PLXDC2: variants seen among roughly 807,000 people sequenced by gnomAD.
PLXDC2 encodes plexin domain-containing protein 2.
A neutral mutation model predicts 68.9 loss-of-function variants in PLXDC2; 40 were observed. The ratio of observed to expected loss-of-function variants is 0.58; its 90% CI spans 0.45 to 0.76. The LOEUF is 0.76. Among genes scored for constraint, PLXDC2 ranks in the 30% least tolerant of loss-of-function variants. PLXDC2 has a pLI of 0.00. For missense variants in PLXDC2, 644 were observed against 661.9 expected, an observed-to-expected ratio of 0.97 and a Z score of 0.30; for synonymous variants, 243 against 234.2, an observed-to-expected ratio of 1.04 and a Z score of -0.34.
chr10:20,156,890 A>G (rs372236329), intron 6 of PLXDC2, among the ~76,000 whole-genome samples: 170 of 152,324 alleles, frequency 1.1e-3, no homozygotes, highest in African/African-American at 3.9e-3. Flanking sequence ...TAGTTTACAG[A>G]CAACTCACCA....
At chr10:19,876,149 A>T (rs11591946) in intron 1 of PLXDC2, among the ~76,000 whole-genome samples, 6,781 of 152,212 alleles carry the variant, frequency 0.045, 193 homozygotes, top group Middle Eastern at 0.12. Flanking sequence ...AGAGTAATAA[A>T]GGAACCAGAA....
intron 9 of PLXDC2, among the ~76,000 whole-genome samples, chr10:20,183,059 G>A (rs1278104501): frequency 6.6e-6 from 1 of 151,952 alleles, no homozygotes; most frequent in Non-Finnish European, 1.5e-5. Context: ...GTGGATTTTG[G>A]CACTCTTTTG....
At chr10:20,109,757 T>G (rs1331692085) in intron 4 of PLXDC2, among the ~76,000 whole-genome samples, 1 of 152,198 alleles carries the variant, frequency 6.6e-6, no homozygotes, top group African/African-American at 2.4e-5. Flanking sequence ...AGAACTCGAA[T>G]GACTTAACTA....
chr10:19,933,610 G>A (rs1038228303), intron 1 of PLXDC2, among the ~76,000 whole-genome samples: 1 of 152,002 alleles, frequency 6.6e-6, no homozygotes, highest in East Asian at 1.9e-4. Flanking sequence ...TCCAGTCTGG[G>A]TGACAGAGTG....
At chr10:20,109,550 A>G (rs1284228307) in intron 4 of PLXDC2, among the ~76,000 whole-genome samples, 1 of 152,154 alleles carries the variant, frequency 6.6e-6, no homozygotes, top group Non-Finnish European at 1.5e-5. Flanking sequence ...ATTCTGCTCC[A>G]GTGTTTGTAA....
chr10:20,046,891 A>G lies in PLXDC2; in HGVS notation c.347A>G (p.Tyr116Cys). The change falls in exon 3 of 14, where the codon TAT becomes TGT. Residue 116 changes from tyrosine to cysteine, a missense_variant. Physicochemically the swap from Tyr to Cys is radical, Grantham distance 194 (BLOSUM62 -2). Transcript: ENST00000377252. ...CAGGAGGATACAGACCACAATTACTATATATCTCGAATATATGGTCCATCT... is the reference window on the plus strand; with the variant it reads ...CAGGAGGATACAGACCACAATTACTGTATATCTCGAATATATGGTCCATCT... ...QIEEDTDHNY[Y>C]ISRIYGPSDS... 1 of 1,611,866 alleles carries G rather than the reference A, an allele frequency of 6.2e-7. No individual in the cohort carries two copies. Among genetic ancestry groups the G allele is most frequent in the Non-Finnish European group, 8.5e-7 (1 of 1,178,784 alleles).
intron 2 of PLXDC2, among the ~76,000 whole-genome samples, chr10:20,035,884 A>G (rs76508816): frequency 0.021 from 3,174 of 152,196 alleles, 105 homozygotes; most frequent in African/African-American, 0.071. Flanking sequence ...TAATTTTTAG[A>G]AGTTGATTCT....
intron 1 of PLXDC2, among the ~76,000 whole-genome samples, chr10:19,983,874 G>A (rs1207812348): frequency 6.6e-6 from 1 of 152,086 alleles, no homozygotes; most frequent in Non-Finnish European, 1.5e-5. Flanking sequence ...TGAGTCCTGG[G>A]CATGTGGGAG....
intron 1 of PLXDC2, among the ~76,000 whole-genome samples, chr10:19,855,938 A>T (rs1191856984): frequency 6.6e-6 from 1 of 152,094 alleles, no homozygotes; most frequent in Non-Finnish European, 1.5e-5. Flanking sequence ...ATATACATAT[A>T]TAAAAAATTA....
At chr10:19,912,734 T>A (rs959005411) in intron 1 of PLXDC2, among the ~76,000 whole-genome samples, 24 of 152,290 alleles carry the variant, frequency 1.6e-4, no homozygotes, top group African/African-American at 5.8e-4. Context: ...ATATAAAGCC[T>A]ATGAACATAA....
chr10:20,275,827 C>A (rs951693846), intron 13 of PLXDC2, among the ~76,000 whole-genome samples: 2 of 152,046 alleles, frequency 1.3e-5, no homozygotes, highest in African/African-American at 4.8e-5. Context: ...ATGTGAGAAT[C>A]GCTTTAATCC....
chr10:19,851,890 G>C (rs976321402), intron 1 of PLXDC2, among the ~76,000 whole-genome samples: 3 of 152,142 alleles, frequency 2.0e-5, no homozygotes, highest in Non-Finnish European at 4.4e-5. Flanking sequence ...AGTCAGACCT[G>C]AGTGAAAACC....
chr10:20,035,476 C>T (rs1196487228), intron 2 of PLXDC2, among the ~76,000 whole-genome samples: 1 of 152,020 alleles, frequency 6.6e-6, no homozygotes, highest in African/African-American at 2.4e-5. Flanking sequence ...GAGGGTGGAT[C>T]ACTTGAGGTC....
In PLXDC2 at chr10:19,817,151, G is replaced by T; in HGVS notation, c.72G>T (p.Gln24His). The T allele has an allele frequency of 1.9e-6, 3 of 1,575,980 alleles. No homozygotes were observed. Among genetic ancestry groups the T allele is most frequent in the Non-Finnish European group, 1.7e-6 (2 of 1,157,558 alleles). Reference sequence around the variant, plus strand: ...TACTTTGCCACTTCTTCACGGACCAGTTTCAGTTCGCCGATGGGAAACCCG... The same window carrying T: ...TACTTTGCCACTTCTTCACGGACCATTTTCAGTTCGCCGATGGGAAACCCG... ...VMLLCHFFTD[Q>H]FQFADGKPGD... Residue 24 changes from glutamine (Q) to histidine (H), a missense_variant, in exon 1 of 14, where the codon CAG becomes CAT. Around this residue, in one of 3 missense-constraint regions of PLXDC2, gnomAD observed 201 missense variants for 166.9 expected, o/e 1.20. Transcript: ENST00000377252.
intron 4 of PLXDC2, among the ~76,000 whole-genome samples, chr10:20,136,497 A>G (rs946292103): frequency 6.6e-6 from 1 of 152,216 alleles, no homozygotes; most frequent in Non-Finnish European, 1.5e-5. Flanking sequence ...ACACTGAGCT[A>G]TTCACAATAA....
chr10:19,940,755 A>C (rs780657300), intron 1 of PLXDC2, among the ~76,000 whole-genome samples: 6 of 152,220 alleles, frequency 3.9e-5, no homozygotes, highest in Admixed American at 6.5e-5. Flanking sequence ...GAGAAGCAGT[A>C]GAATTAAATA....
intron 12 of PLXDC2, among the ~76,000 whole-genome samples, chr10:20,224,313 T>C (rs150831502): frequency 0.018 from 2,692 of 152,294 alleles, 86 homozygotes; most frequent in African/African-American, 0.06. Context: ...GTAATGGTTA[T>C]ATGCATTTAC....
At position 20,164,542 on chromosome 10, in the gene PLXDC2, T is replaced by A. The variant is rs763967140; in HGVS notation, c.858T>A (p.Val286=). 1 of 1,613,278 alleles carries A rather than the reference T, an allele frequency of 6.2e-7. No individual in the cohort carries two copies. The highest frequency in any genetic ancestry group is 1.7e-5 in the Admixed American group (1 of 59,968). ...TCGGACTGTCCGATGCATTTGTCGT[T>A]GTCCACAGGATCCAACAAATTCCCA... ...VKVGLSDAFV[V]VHRIQQIPNV... is the part of the protein sequence containing the mutation. Residue 286 remains valine, a synonymous_variant, in exon 7 of 14, where the codon GTT becomes GTA. Transcript: ENST00000377252.
In PLXDC2 at chr10:20,258,438, C is replaced by T. The variant is rs543054707; in HGVS notation, c.1473+12933C>T. Among the ~76,000 whole-genome samples the T allele has an allele frequency of 6.7e-4, 102 of 152,262 alleles. 2 individuals carry two copies. The South Asian group carries it at 0.02, about 29-fold the overall frequency. On this transcript the variant is annotated intron_variant, in intron 13 of 13. Coordinates refer to ENST00000377252, the MANE Select transcript of PLXDC2 (RefSeq NM_032812.9). ...ACTCTGTTTCCTTCCCTCTTATACTCGGCCAAACAGTTTTATAGAATTTTT... is the reference window on the plus strand; with the variant it reads ...ACTCTGTTTCCTTCCCTCTTATACTTGGCCAAACAGTTTTATAGAATTTTT...
Sources: gnomAD v4.1 joint callset for allele counts (sites outside exome capture counted in the v4.1 genomes callset) on GRCh38, gnomAD v4.1.1 for gene constraint, gnomAD v4.1.1 regional missense constraint, MANE v1.5 for transcripts, NCBI Gene and HGNC (gene_info 2026-07-23, HGNC 2026-07-21) for gene names.